SEMA3A: variants seen among roughly 807,000 people sequenced by gnomAD.
SEMA3A encodes semaphorin-3A.
A neutral mutation model predicts 97.9 loss-of-function variants in SEMA3A; 29 were observed. That is an observed-to-expected ratio of 0.30 (90% CI 0.22 to 0.40). The LOEUF (loss-of-function observed/expected upper bound fraction) is 0.40. Ranked by LOEUF, SEMA3A falls within the 10% of genes least tolerant of loss-of-function variation. SEMA3A has a pLI of 1.00. For missense variants in SEMA3A, 763 were observed against 951.3 expected (o/e 0.80, Z 2.60); for synonymous variants, 321 against 323.7 (o/e 0.99, Z 0.09).
chr7:84,418,373 C>T (rs1433933618), intron 1 of SEMA3A, among the ~76,000 whole-genome samples: 1 of 152,036 alleles, frequency 6.6e-6, no homozygotes, highest in Non-Finnish European at 1.5e-5. Flanking sequence ...GAGACTTATT[C>T]ACTACTATGA....
intron 5 of SEMA3A, among the ~76,000 whole-genome samples, chr7:84,047,547 CTCTT>C (rs113224679): frequency 0.048 from 7,277 of 152,024 alleles, 276 homozygotes; most frequent in East Asian, 0.19. Flanking sequence ...GTAAAAATTA[CTCTT>C]TCTTTCTTGG....
chr7:84,332,358 CTT>C (rs779411735), intron 2 of SEMA3A, among the ~76,000 whole-genome samples: 3 of 152,050 alleles, frequency 2.0e-5, no homozygotes, highest in Non-Finnish European at 4.4e-5. Flanking sequence ...TAATCTACCT[CTT>C]TTTATTTTTC....
chr7:83,981,842 C>CA (rs1462871460), intron 13 of SEMA3A, among the ~76,000 whole-genome samples: 1 of 151,928 alleles, frequency 6.6e-6, no homozygotes, highest in Non-Finnish European at 1.5e-5. Flanking sequence ...TCTTTATTAC[C>CA]ATGTGTTCCA....
chr7:84,478,314 T>C (rs1310697643), intron 1 of SEMA3A, among the ~76,000 whole-genome samples: 1 of 152,156 alleles, frequency 6.6e-6, no homozygotes, highest in Non-Finnish European at 1.5e-5. Flanking sequence ...CACCCTAAGA[T>C]GTATTATGTT....
chr7:84,108,389 G>C (rs1333937548), intron 4 of SEMA3A, among the ~76,000 whole-genome samples: 2 of 152,074 alleles, frequency 1.3e-5, no homozygotes, highest in Admixed American at 6.5e-5. Context: ...ACTGTGCTAG[G>C]AGCAGTGGAA....
chr7:84,379,687 G>GA (rs1027076853), intron 1 of SEMA3A, among the ~76,000 whole-genome samples: 11 of 148,516 alleles, frequency 7.4e-5, no homozygotes, highest in African/African-American at 1.5e-4. Context: ...TGAAGCTGGG[G>GA]AAAAAAAAAG....
At chr7:84,215,676 A>T (rs1332901876) in intron 3 of SEMA3A, among the ~76,000 whole-genome samples, 2 of 152,198 alleles carry the variant, frequency 1.3e-5, no homozygotes, top group African/African-American at 4.8e-5. Context: ...TCTCTATGCC[A>T]CATCTGTTTT....
chr7:84,317,858 T>C (rs560818041), intron 2 of SEMA3A, among the ~76,000 whole-genome samples: 2 of 152,158 alleles, frequency 1.3e-5, no homozygotes, highest in African/African-American at 4.8e-5. Flanking sequence ...GATTTCTGGG[T>C]AAGCTTTGAA....
At chr7:84,007,272 A>G (rs1790703547) in intron 10 of SEMA3A, 81 bp downstream of exon 10, 3 of 1,143,788 alleles carry the variant, frequency 2.6e-6, no homozygotes, top group African/African-American at 1.6e-5. Flanking sequence ...GATACATTTA[A>G]TATCTGTCTG....
At chr7:84,253,478 A>C (rs1398931815) in intron 3 of SEMA3A, among the ~76,000 whole-genome samples, 2 of 152,196 alleles carry the variant, frequency 1.3e-5, no homozygotes, top group African/African-American at 4.8e-5. Flanking sequence ...AATGTGTACA[A>C]GACATGGATA....
At chr7:84,168,573 C>G (rs1393187403) in intron 1 of SEMA3A, among the ~76,000 whole-genome samples, 1 of 151,786 alleles carries the variant, frequency 6.6e-6, no homozygotes, top group African/African-American at 2.4e-5. Context: ...ACAAATATAA[C>G]TGGCAGTAGA....
chr7:83,976,563 T>C (rs1467477020), intron 15 of SEMA3A, among the ~76,000 whole-genome samples: 2 of 152,008 alleles, frequency 1.3e-5, no homozygotes, highest in African/African-American at 2.4e-5. Flanking sequence ...TAAGCAACTT[T>C]GACATTAAAT....
intron 3 of SEMA3A, among the ~76,000 whole-genome samples, chr7:84,120,399 G>A (rs1305914942): frequency 6.6e-6 from 1 of 152,012 alleles, no homozygotes; most frequent in African/African-American, 2.4e-5. Flanking sequence ...TCACTTAAAC[G>A]AGTTAACATA....
intron 1 of SEMA3A, among the ~76,000 whole-genome samples, chr7:84,484,196 T>C (rs1017149176): frequency 2.6e-5 from 4 of 152,130 alleles, no homozygotes; most frequent in African/African-American, 9.6e-5. Context: ...AAGACCACTG[T>C]GTAAGGCTGT....
intron 4 of SEMA3A, among the ~76,000 whole-genome samples, chr7:84,106,836 G>A (rs1208970715): frequency 6.6e-6 from 1 of 152,026 alleles, no homozygotes; most frequent in Non-Finnish European, 1.5e-5. Context: ...GAAGAACACT[G>A]CAAAGAAAAA....
intron 13 of SEMA3A, among the ~76,000 whole-genome samples, chr7:83,983,356 G>A (rs1789504252): frequency 6.6e-6 from 1 of 151,784 alleles, no homozygotes; most frequent in African/African-American, 2.4e-5. Flanking sequence ...CATTGTGTTT[G>A]CAACTATTTT....
intron 6 of SEMA3A, among the ~76,000 whole-genome samples, chr7:84,033,602 G>A (rs757797313): frequency 5.3e-5 from 8 of 152,160 alleles, no homozygotes; most frequent in Non-Finnish European, 1.0e-4. Context: ...CATCTGCCCT[G>A]TCATACACAT....
chr7:84,366,967 C>CTAA (rs1013033255), intron 2 of SEMA3A, among the ~76,000 whole-genome samples: 1 of 150,396 alleles, frequency 6.6e-6, no homozygotes, highest in African/African-American at 2.4e-5. Context: ...TTTGCATACA[C>CTAA]TAAAATGCCT....
intron 2 of SEMA3A, among the ~76,000 whole-genome samples, chr7:84,328,470 C>A (rs749637603): frequency 1.4e-4 from 21 of 151,840 alleles, no homozygotes; most frequent in Non-Finnish European, 2.9e-4. Context: ...TAGACAGTAA[C>A]TTTTAGAATA....
Sources: gnomAD v4.1 joint callset for allele counts (sites outside exome capture counted in the v4.1 genomes callset) on GRCh38, gnomAD v4.1.1 for gene constraint, MANE v1.5 for transcripts, NCBI Gene and HGNC (gene_info 2026-07-23, HGNC 2026-07-21) for gene names.